Variants in SCMH1 observed in about 807,000 individuals in gnomAD.
The protein encoded by SCMH1 is polycomb protein SCMH1.
Under a neutral mutation model 70.8 loss-of-function variants are expected in SCMH1, and 37 were observed. The observed-to-expected ratio is 0.52, with a 90% confidence interval of 0.40 to 0.69. The LOEUF (loss-of-function observed/expected upper bound fraction) is 0.69. Ranked by LOEUF, SCMH1 falls within the 30% of genes least tolerant of loss-of-function variation. The pLI is 0.00. For synonymous variants in SCMH1, 292 were observed against 307.4 expected (o/e 0.95, Z 0.52); for missense variants, 607 against 827.3 (o/e 0.73, Z 3.27).
chr1:41,128,232 A>C (rs1572402986), intron 6 of SCMH1, among the ~76,000 whole-genome samples: 1 of 152,098 alleles, frequency 6.6e-6, no homozygotes, highest in Non-Finnish European at 1.5e-5. Flanking sequence ...GTACACTACA[A>C]ATTTTATTAT....
At chr1:41,054,219 G>A (rs1477928191) in intron 10 of SCMH1, among the ~76,000 whole-genome samples, 4 of 152,128 alleles carry the variant, frequency 2.6e-5, no homozygotes, top group Non-Finnish European at 5.9e-5. Context: ...TCGATGAAAG[G>A]GGAAGTGTTG....
At chr1:41,153,939 G>T (rs1264839883) in intron 4 of SCMH1, among the ~76,000 whole-genome samples, 1 of 152,184 alleles carries the variant, frequency 6.6e-6, no homozygotes, top group African/African-American at 2.4e-5. Flanking sequence ...CAAGTCTTCT[G>T]TTAAGGACAA....
chr1:41,124,251 C>A (rs1672634896), intron 6 of SCMH1, among the ~76,000 whole-genome samples: 1 of 152,188 alleles, frequency 6.6e-6, no homozygotes, highest in African/African-American at 2.4e-5. Context: ...CACTTCACCC[C>A]TAAATATATC....
At chr1:41,189,863 C>A (rs1651243418) in intron 1 of SCMH1, among the ~76,000 whole-genome samples, 1 of 152,214 alleles carries the variant, frequency 6.6e-6, no homozygotes, top group Admixed American at 6.5e-5. Flanking sequence ...ATAATGTTTA[C>A]CCTTTCCAGA....
At chr1:41,046,321 G>A in intron 12 of SCMH1, 86 bp downstream of exon 12, 1 of 1,203,008 alleles carries the variant, frequency 8.3e-7, no homozygotes, top group Non-Finnish European at 1.2e-6. Flanking sequence ...CAGGCCAGTA[G>A]TTCTGAAGGC....
intron 1 of SCMH1, among the ~76,000 whole-genome samples, chr1:41,196,105 G>A (rs1201444853): frequency 6.6e-6 from 1 of 152,080 alleles, no homozygotes; most frequent in Non-Finnish European, 1.5e-5. Context: ...TGTGTTCATG[G>A]ACTGAAAGAC....
At chr1:41,152,745 G>C in intron 4 of SCMH1, 1 of 1,600,450 alleles carries the variant, frequency 6.2e-7, no homozygotes, top group Non-Finnish European at 8.5e-7. Flanking sequence ...CTAGATGCTG[G>C]GAATAAAAAT....
intron 1 of SCMH1, among the ~76,000 whole-genome samples, chr1:41,235,432 G>C (rs181398976): frequency 1.3e-5 from 2 of 151,572 alleles, no homozygotes; most frequent in Non-Finnish European, 2.9e-5. Context: ...TTAGCCAGGC[G>C]TGGTGGTGCA....
At chr1:41,220,178 C>T (rs1288288781) in intron 1 of SCMH1, among the ~76,000 whole-genome samples, 2 of 152,172 alleles carry the variant, frequency 1.3e-5, no homozygotes, top group Non-Finnish European at 1.5e-5. Context: ...TATTTGCTCA[C>T]GCAAGGCAAG....
chr1:41,165,372 T>G (rs942928685), intron 2 of SCMH1, among the ~76,000 whole-genome samples: 17 of 152,106 alleles, frequency 1.1e-4, no homozygotes, highest in African/African-American at 4.1e-4. Context: ...CCCTTCAACA[T>G]ACTGATTTCA....
chr1:41,234,458 T>A (rs1442822596), intron 1 of SCMH1, among the ~76,000 whole-genome samples: 5 of 55,946 alleles, frequency 8.9e-5, no homozygotes, highest in Non-Finnish European at 1.3e-4. Flanking sequence ...TGCCTCTTTT[T>A]TTTTTTTTTT....
chr1:41,228,730 A>G (rs1660744751), intron 1 of SCMH1, among the ~76,000 whole-genome samples: 1 of 150,452 alleles, frequency 6.6e-6, no homozygotes, highest in Admixed American at 6.7e-5. Flanking sequence ...TGGGTGACAG[A>G]GCAAGATCCT....
intron 10 of SCMH1, among the ~76,000 whole-genome samples, chr1:41,054,826 C>A (rs183190769): frequency 2.6e-5 from 4 of 152,344 alleles, no homozygotes; most frequent in Admixed American, 2.6e-4. Flanking sequence ...GTCATCCAGG[C>A]TGGAGTGCAG....
At chr1:41,066,489 C>T (rs1187956357) in intron 10 of SCMH1, among the ~76,000 whole-genome samples, 1 of 152,150 alleles carries the variant, frequency 6.6e-6, no homozygotes, top group Non-Finnish European at 1.5e-5. Context: ...GATAATTTAT[C>T]AGAAGTATGA....
Position 41,113,304 on chromosome 1 carries a change from G to T in SCMH1, c.724C>A (p.Leu242Met), listed in dbSNP as rs773769756. 6.2e-7 allele frequency: 1 copy of T among 1,613,746 alleles called. No individual in the cohort carries two copies. Among genetic ancestry groups the T allele is most frequent in the Non-Finnish European group, 8.5e-7 (1 of 1,179,876 alleles). ...TTACCTTTGGTGCCAGGAGGCTGCAGGTTGTCTCCAGTCAAGGAACACCAG... is the reference window on the plus strand; with the variant it reads ...TTACCTTTGGTGCCAGGAGGCTGCATGTTGTCTCCAGTCAAGGAACACCAG... Residue 242 changes from leucine (L) to methionine (M), a missense_variant, in exon 8 of 15, where the codon CTG becomes ATG. Transcript: ENST00000337495. This position sits in a 1 kb window ranked among gnomAD's most constrained non-coding sequence, Gnocchi z 4.3.
At chr1:41,031,728 T>C (rs954207306) in intron 13 of SCMH1, among the ~76,000 whole-genome samples, 3 of 152,260 alleles carry the variant, frequency 2.0e-5, no homozygotes, top group Admixed American at 6.5e-5. Flanking sequence ...AGAGAAGATA[T>C]GGGGAGAGAG....
chr1:41,124,590 CTTATTTATTTATTTAT>C (rs138729350), intron 6 of SCMH1, among the ~76,000 whole-genome samples: 60 of 148,896 alleles, frequency 4.0e-4, no homozygotes, highest in African/African-American at 1.4e-3. Context: ...TGCTGAAGAG[CTTATTTATTTATTTAT>C]TTATTTATTT....
exon 6 of SCMH1, chr1:41,143,006 C>T (rs781390985): frequency 6.2e-7 from 1 of 1,614,132 alleles, no homozygotes; most frequent in South Asian, 1.1e-5. Context: ...AAGGCGGGCA[C>T]CTGTCAGTCC....
intron 1 of SCMH1, among the ~76,000 whole-genome samples, chr1:41,203,353 T>C (rs992071796): frequency 1.3e-4 from 20 of 152,188 alleles, no homozygotes; most frequent in Non-Finnish European, 1.9e-4. Flanking sequence ...ATTTTAAATT[T>C]ACTTAAAATA....
Sources: gnomAD v4.1 joint callset for allele counts (sites outside exome capture counted in the v4.1 genomes callset) on GRCh38, gnomAD v4.1.1 for gene constraint, Gnocchi (gnomAD v3.1) non-coding constraint, MANE v1.5 for transcripts, NCBI Gene and HGNC (gene_info 2026-07-23, HGNC 2026-07-21) for gene names.